SLC35D4: variants seen among roughly 807,000 people sequenced by gnomAD.
SLC35D4 encodes solute carrier family 35 member D4.
the SLC35D4 span, among the ~76,000 whole-genome samples, chr18:23,411,527 AAG>A: frequency 6.6e-6 from 1 of 151,496 alleles, no homozygotes; most frequent in African/African-American, 2.4e-5. Flanking sequence ...GAAAGAAAGA[AAG>A]AAAGAAAGAA....
chr18:23,252,648 C>G, the SLC35D4 span, among the ~76,000 whole-genome samples: 1 of 152,180 alleles, frequency 6.6e-6, no homozygotes, highest in Non-Finnish European at 1.5e-5. Flanking sequence ...AGCCCCATAC[C>G]GTGTGAACAG....
At chr18:23,343,123 A>G in the SLC35D4 span, among the ~76,000 whole-genome samples, 1 of 152,074 alleles carries the variant, frequency 6.6e-6, no homozygotes, top group South Asian at 2.1e-4. Context: ...GGGTTTCACT[A>G]TGTTGACCAG....
the SLC35D4 span, among the ~76,000 whole-genome samples, chr18:23,325,690 A>G: frequency 1.3e-5 from 2 of 152,190 alleles, no homozygotes; most frequent in African/African-American, 2.4e-5. Flanking sequence ...GTCCAATGTA[A>G]AGACCCAGAG....
chr18:23,317,029 C>A, the SLC35D4 span, among the ~76,000 whole-genome samples: 1 of 152,096 alleles, frequency 6.6e-6, no homozygotes, highest in African/African-American at 2.4e-5. Context: ...GAACTAAAAC[C>A]CAGGTCTCCT....
the SLC35D4 span, among the ~76,000 whole-genome samples, chr18:23,277,039 T>A: frequency 6.6e-6 from 1 of 152,200 alleles, no homozygotes; most frequent in Non-Finnish European, 1.5e-5. Flanking sequence ...CATTTCTTTT[T>A]TCTCATGAGT....
At chr18:23,258,163 T>A in the SLC35D4 span, 1 of 152,530 alleles carries the variant, frequency 6.6e-6, no homozygotes, top group Admixed American at 6.5e-5. Flanking sequence ...ACGTGGAGCG[T>A]GGCGCTCTGT....
the SLC35D4 span, among the ~76,000 whole-genome samples, chr18:23,313,635 A>G: frequency 6.6e-6 from 1 of 152,160 alleles, no homozygotes; most frequent in African/African-American, 2.4e-5. Context: ...TTTGCTGAGC[A>G]CTAGTTGTGG....
At chr18:23,337,745 T>C in the SLC35D4 span, among the ~76,000 whole-genome samples, 2 of 152,202 alleles carry the variant, frequency 1.3e-5, no homozygotes, top group East Asian at 1.9e-4. Flanking sequence ...ATTGTGGCAA[T>C]AGATCAAGAC....
At chr18:23,351,974 A>G in the SLC35D4 span, among the ~76,000 whole-genome samples, 1 of 152,202 alleles carries the variant, frequency 6.6e-6, no homozygotes, top group Non-Finnish European at 1.5e-5. Flanking sequence ...TAAGGAGCCT[A>G]TCCATGATTG....
At chr18:23,339,047 C>T in the SLC35D4 span, among the ~76,000 whole-genome samples, 1 of 152,262 alleles carries the variant, frequency 6.6e-6, no homozygotes, top group Non-Finnish European at 1.5e-5. Flanking sequence ...GCCACCACAC[C>T]TGGCTAATTA....
chr18:23,337,415 C>T, the SLC35D4 span, among the ~76,000 whole-genome samples: 1 of 150,738 alleles, frequency 6.6e-6, no homozygotes. Flanking sequence ...GCGGAACTTG[C>T]AGTGAGCTGA....
chr18:23,276,295 A>G, the SLC35D4 span, among the ~76,000 whole-genome samples: 2 of 152,030 alleles, frequency 1.3e-5, no homozygotes, highest in Admixed American at 6.6e-5. Context: ...TCACCGTGTT[A>G]GCCAGGATGG....
the SLC35D4 span, among the ~76,000 whole-genome samples, chr18:23,327,612 A>AC: frequency 6.6e-6 from 1 of 152,212 alleles, no homozygotes; most frequent in Non-Finnish European, 1.5e-5. Context: ...GCCAAATTCT[A>AC]CCAGAGGTAC....
At chr18:23,400,902 AATC>A in the SLC35D4 span, among the ~76,000 whole-genome samples, 1 of 152,204 alleles carries the variant, frequency 6.6e-6, no homozygotes, top group Non-Finnish European at 1.5e-5. Flanking sequence ...AAGGGCCTTC[AATC>A]CTTACTTGCT....
At chr18:23,299,189 T>G in the SLC35D4 span, among the ~76,000 whole-genome samples, 3 of 152,238 alleles carry the variant, frequency 2.0e-5, no homozygotes, top group African/African-American at 4.8e-5. Context: ...TCAGCCTTAG[T>G]CTCTCCATCT....
chr18:23,394,768 T>G, the SLC35D4 span, among the ~76,000 whole-genome samples: 1 of 151,920 alleles, frequency 6.6e-6, no homozygotes, highest in Non-Finnish European at 1.5e-5. Flanking sequence ...GGTCGGGAGT[T>G]TGAGACCAGC....
chr18:23,351,218 C>T, the SLC35D4 span, among the ~76,000 whole-genome samples: 1 of 152,014 alleles, frequency 6.6e-6, no homozygotes. Context: ...AACAGCCTGG[C>T]CAACATGGTC....
the SLC35D4 span, among the ~76,000 whole-genome samples, chr18:23,370,892 A>G: frequency 6.6e-6 from 1 of 152,238 alleles, no homozygotes; most frequent in Non-Finnish European, 1.5e-5. Context: ...AGAGGAAAGT[A>G]TATTGGAAAT....
the SLC35D4 span, among the ~76,000 whole-genome samples, chr18:23,388,992 T>C: frequency 6.7e-6 from 1 of 148,830 alleles, no homozygotes; most frequent in African/African-American, 2.5e-5. Flanking sequence ...TAGTTCTTTT[T>C]TTTTTTTTTT....
Sources: gnomAD v4.1 joint callset for allele counts (sites outside exome capture counted in the v4.1 genomes callset) on GRCh38, gnomAD v4.1.1 for gene constraint, MANE v1.5 for transcripts, NCBI Gene and HGNC (gene_info 2026-07-23, HGNC 2026-07-21) for gene names.